ZNF570: variants seen among roughly 807,000 people sequenced by gnomAD.
The protein encoded by ZNF570 is zinc finger protein 570.
A neutral mutation model predicts 14.2 loss-of-function variants in ZNF570; 8 were observed. The observed-to-expected ratio is 0.56, with a 90% confidence interval of 0.33 to 1.02. The LOEUF (loss-of-function observed/expected upper bound fraction) is 1.02. ZNF570 is among the 50% of genes least tolerant of loss of function. ZNF570 has a pLI of 0.03. For missense variants in ZNF570, 559 were observed against 624.9 expected, an observed-to-expected ratio of 0.89 and a Z score of 1.12; for synonymous variants, 202 against 207.6, an observed-to-expected ratio of 0.97 and a Z score of 0.23.
chr19:37,476,705 C>CTTTTTTTTT (rs35904468), intron 4 of ZNF570, among the ~76,000 whole-genome samples: 1 of 111,736 alleles, frequency 8.9e-6, no homozygotes, highest in Non-Finnish European at 1.7e-5. Flanking sequence ...GTCTTATAAA[C>CTTTTTTTTT]TTTTTTTTTT....
chr19:37,483,060 C>A (rs1278378003), intron 4 of ZNF570, among the ~76,000 whole-genome samples: 1 of 152,158 alleles, frequency 6.6e-6, no homozygotes, highest in Non-Finnish European at 1.5e-5. Context: ...CACCGTCCCT[C>A]TCAGAGTAGA....
chr19:37,484,739 C>G lies in ZNF570; in HGVS notation c.1117C>G (p.Leu373Val). The G allele has an allele frequency of 1.9e-6, 3 of 1,614,056 alleles. No homozygotes were observed. In the South Asian group the frequency reaches 3.3e-5, roughly 18 times the overall value. ...GAAAGCATTTAGCCTTCGTGCATAC[C>G]TTACTGTACATCAGAGAATACATAC... ...CGKAFSLRAY[L>V]TVHQRIHTGE... is the part of the protein sequence containing the mutation. The change falls in exon 5 of 5, where the codon CTT becomes GTT. Residue 373 changes from leucine to valine, a missense_variant. Leu to Val is a conservative substitution (Grantham distance 32, BLOSUM62 1). Coordinates refer to ENST00000330173, the MANE Select transcript of ZNF570 (RefSeq NM_144694.5).
chr19:37,483,812 G>A (rs1396833204), intron 4 of ZNF570, 67 bp from the exon 5 acceptor site: 20 of 1,460,470 alleles, frequency 1.4e-5, no homozygotes, highest in Non-Finnish European at 1.7e-5. Flanking sequence ...CTTTACAGAT[G>A]TACTTTATTA....
chr19:37,468,136 G>A, upstream of ZNF570: 1 of 592,060 alleles, frequency 1.7e-6, no homozygotes, highest in East Asian at 2.8e-5. Context: ...CCAGGCTGGA[G>A]AGTGCAGCGG....
intron 4 of ZNF570, among the ~76,000 whole-genome samples, chr19:37,478,325 T>C (rs1220193124): frequency 6.6e-6 from 1 of 152,142 alleles, no homozygotes; most frequent in African/African-American, 2.4e-5. Context: ...TTAAACATAT[T>C]AGTTTTGTTG....
intron 4 of ZNF570, among the ~76,000 whole-genome samples, chr19:37,477,401 A>G (rs2042040079): frequency 6.8e-6 from 1 of 146,216 alleles, no homozygotes; most frequent in Admixed American, 7.0e-5. Context: ...GTACAGTGGC[A>G]TGATCTCGGC....
Position 37,484,970 on chromosome 19 carries a change from G to C in ZNF570, c.1348G>C (p.Ala450Pro), listed in dbSNP as rs371894695. The change falls in exon 5 of 5, where the codon GCT (alanine) becomes CCT (proline). Residue 450 changes from alanine (A) to proline (P), a missense_variant. Ala to Pro is a conservative substitution (Grantham distance 27). Transcript: ENST00000330173. ...KPYECIECGK[A>P]FSNDSSLTQH... ...CTATGAATGTATTGAATGTGGGAAG[G>C]CTTTTAGCAATGACTCGTCCCTTAC... The C allele has an allele frequency of 1.9e-5, 31 of 1,613,974 alleles. No homozygotes were observed. In the Middle Eastern group the frequency reaches 8.2e-4, roughly 43 times the overall value.
chr19:37,476,070 G>A, intron 3 of ZNF570, 63 bp downstream of exon 3: 2 of 1,541,978 alleles, frequency 1.3e-6, no homozygotes, highest in Non-Finnish European at 1.7e-6. Flanking sequence ...TACCACTATT[G>A]TGAATTTTTG....
chr19:37,478,826 A>G (rs1483880464), intron 4 of ZNF570, among the ~76,000 whole-genome samples: 1 of 151,302 alleles, frequency 6.6e-6, no homozygotes, highest in Non-Finnish European at 1.5e-5. Flanking sequence ...ATACATTTTC[A>G]AATGTTGAAC....
chr19:37,479,283 C>T lies in ZNF570; in HGVS notation c.256+2849C>T, dbSNP rs970758254. Among the ~76,000 whole-genome samples the T allele has an allele frequency of 2.6e-5, 4 of 151,828 alleles. No individual in the cohort carries two copies. In the South Asian group the frequency reaches 6.2e-4, roughly 24 times the overall value. On this transcript the variant is annotated intron_variant, in intron 4 of 4. Coordinates refer to ENST00000330173, the MANE Select transcript of ZNF570 (RefSeq NM_144694.5). ...TCTGGTTCTCAATGATTTCTTGATC[C>T]GTGAATTATTTAGAAGTTTGAAATT...
chr19:37,468,916 T>A, upstream of ZNF570: 11 of 260,510 alleles, frequency 4.2e-5, no homozygotes, highest in Non-Finnish European at 6.4e-5. Context: ...TCCAGCACAA[T>A]TCTAGGAATT....
At chr19:37,470,979 C>T (rs370950451) in intron 2 of ZNF570, among the ~76,000 whole-genome samples, 41 of 143,078 alleles carry the variant, frequency 2.9e-4, no homozygotes, top group African/African-American at 9.3e-4. Context: ...GGATTACAGG[C>T]GTGAGCTACC....
intron 4 of ZNF570, among the ~76,000 whole-genome samples, chr19:37,481,454 C>T (rs907475339): frequency 6.6e-6 from 1 of 152,180 alleles, no homozygotes; most frequent in Non-Finnish European, 1.5e-5. Context: ...TGCCCGGTGA[C>T]AGATTATTTT....
chr19:37,474,729 G>A (rs144960013), intron 2 of ZNF570, among the ~76,000 whole-genome samples: 2,608 of 152,142 alleles, frequency 0.017, 69 homozygotes, highest in African/African-American at 0.059. Flanking sequence ...CAAGTGCTGG[G>A]ATTACAGGTG....
chr19:37,476,022 T>G lies in ZNF570; in HGVS notation c.160+15T>G. ...GGTATCACTGGGTAAGGATATCTTCTTGCAAAACTGAGCTTCTGCTCAAAA... is the reference window on the plus strand; with the variant it reads ...GGTATCACTGGGTAAGGATATCTTCGTGCAAAACTGAGCTTCTGCTCAAAA... On this transcript the variant is annotated intron_variant, in intron 3 of 4. Coordinates refer to ENST00000330173, the MANE Select transcript of ZNF570 (RefSeq NM_144694.5). The G allele has an allele frequency of 6.3e-7, 1 of 1,586,584 alleles. No individual in the cohort carries two copies. Among genetic ancestry groups the G allele is most frequent in the Non-Finnish European group, 8.6e-7 (1 of 1,168,606 alleles).
Position 37,485,074 on chromosome 19 carries a change from C to T in ZNF570, c.1452C>T (p.Ser484=), listed in dbSNP as rs2042138571. 6.2e-7 allele frequency: 1 copy of T among 1,613,822 alleles called. No individual in the cohort carries two copies. The highest frequency in any genetic ancestry group is 8.5e-7 in the Non-Finnish European group (1 of 1,179,948). Residue 484 remains serine, a synonymous_variant, in exon 5 of 5, where the codon TCC becomes TCT. Transcript: ENST00000330173. Reference sequence around the variant, plus strand: ...GAAAGGCTTTTAGTTACTGTGGATCCCTTGCCCAACATCAGAGAATTCATA... The same window carrying T: ...GAAAGGCTTTTAGTTACTGTGGATCTCTTGCCCAACATCAGAGAATTCATA... ...VCGKAFSYCG[S]LAQHQRIHTG... is the part of the protein sequence containing the mutation.
intron 4 of ZNF570, among the ~76,000 whole-genome samples, chr19:37,477,764 T>C (rs752424023): frequency 1.4e-4 from 22 of 152,220 alleles, no homozygotes; most frequent in Non-Finnish European, 2.6e-4. Flanking sequence ...TTGGAACTTA[T>C]TTTTGAGGAT....
chr19:37,468,304 C>G (rs139185452), upstream of ZNF570, among the ~76,000 whole-genome samples: 30 of 152,138 alleles, frequency 2.0e-4, no homozygotes, highest in African/African-American at 7.2e-4. Context: ...GCCCAGGCTG[C>G]TCTCGAACTC....
At chr19:37,476,602 A>G (rs2042027030) in intron 4 of ZNF570, 168 bp downstream of exon 4, 16 of 965,478 alleles carry the variant, frequency 1.7e-5, no homozygotes. Context: ...ATTTTTAATT[A>G]TTTCCCTTCT....
Sources: gnomAD v4.1 joint callset for allele counts (sites outside exome capture counted in the v4.1 genomes callset) on GRCh38, gnomAD v4.1.1 for gene constraint, MANE v1.5 for transcripts, NCBI Gene and HGNC (gene_info 2026-07-23, HGNC 2026-07-21) for gene names.